DAB1: variants seen among roughly 807,000 people sequenced by gnomAD.
DAB1 encodes disabled homolog 1.
DAB1 carries 15 observed loss-of-function variants against 64.6 expected under a neutral mutation model. The observed-to-expected ratio is 0.23, with a 90% CI of 0.16 to 0.36. The LOEUF is 0.36. Ranked by LOEUF, DAB1 falls within the 10% of genes least tolerant of loss-of-function variation. The pLI is 1.00. For synonymous variants in DAB1, 235 were observed against 251.9 expected, an observed-to-expected ratio of 0.93 and a Z score of 0.64; for missense variants, 596 against 706.7, an observed-to-expected ratio of 0.84 and a Z score of 1.78.
chr1:57,852,853 G>A (rs1653593021), intron 1 of DAB1, among the ~76,000 whole-genome samples: 1 of 152,084 alleles, frequency 6.6e-6, no homozygotes, highest in African/African-American at 2.4e-5. Context: ...TATGAGGGTA[G>A]AGAATACTGA....
intron 5 of DAB1, among the ~76,000 whole-genome samples, chr1:57,948,035 C>G (rs1432819275): frequency 6.6e-6 from 1 of 151,468 alleles, no homozygotes; most frequent in Non-Finnish European, 1.5e-5. Flanking sequence ...CTTATGCTAG[C>G]CCCTTGACCT....
At chr1:58,036,275 T>A (rs1488663319) in intron 5 of DAB1, among the ~76,000 whole-genome samples, 1 of 152,186 alleles carries the variant, frequency 6.6e-6, no homozygotes, top group Non-Finnish European at 1.5e-5. Flanking sequence ...TTACAGAAGA[T>A]GAAACTGAGG....
At chr1:57,553,936 T>C (rs1644957466) in intron 7 of DAB1, among the ~76,000 whole-genome samples, 1 of 151,624 alleles carries the variant, frequency 6.6e-6, no homozygotes, top group Non-Finnish European at 1.5e-5. Flanking sequence ...GAATCTCAGC[T>C]GAGAAAGGAA....
intron 5 of DAB1, among the ~76,000 whole-genome samples, chr1:57,968,518 GA>G (rs966873997): frequency 6.6e-6 from 1 of 152,096 alleles, no homozygotes; most frequent in African/African-American, 2.4e-5. Flanking sequence ...TTCCAGCCTG[GA>G]AAATTGGCAT....
intron 3 of DAB1, among the ~76,000 whole-genome samples, chr1:58,355,757 C>T (rs1343261805): frequency 6.6e-6 from 1 of 152,116 alleles, no homozygotes; most frequent in Admixed American, 6.6e-5. Context: ...GGCTATTTCC[C>T]TCTTTTCTTG....
chr1:58,132,554 T>G (rs3850535), intron 5 of DAB1, among the ~76,000 whole-genome samples: 30,449 of 152,140 alleles, frequency 0.2, 3,229 homozygotes, highest in East Asian at 0.36. Flanking sequence ...CAGGGATCTC[T>G]GAGGATCCGC....
At chr1:57,139,502 G>A (rs1402319611) in intron 3 of DAB1, among the ~76,000 whole-genome samples, 1 of 152,144 alleles carries the variant, frequency 6.6e-6, no homozygotes, top group African/African-American at 2.4e-5. Context: ...GGACTAAGAA[G>A]TGACCTCCTA....
At chr1:57,847,804 G>C (rs1428483389) in intron 1 of DAB1, among the ~76,000 whole-genome samples, 2 of 151,928 alleles carry the variant, frequency 1.3e-5, no homozygotes, top group Non-Finnish European at 2.9e-5. Flanking sequence ...GACAAAAATA[G>C]AATACTATTA....
At chr1:57,475,557 T>C (rs1374902076) in intron 7 of DAB1, among the ~76,000 whole-genome samples, 2 of 152,230 alleles carry the variant, frequency 1.3e-5, no homozygotes, top group Non-Finnish European at 2.9e-5. Context: ...CACTTGCCAC[T>C]TGCTGACGTC....
At chr1:57,824,348 G>T (rs539696153), downstream of DAB1, among the ~76,000 whole-genome samples, 13 of 152,220 alleles carry the variant, frequency 8.5e-5, no homozygotes, top group South Asian at 2.1e-4. Context: ...CCAGAGACTT[G>T]CCCAGCACAC....
intron 5 of DAB1, among the ~76,000 whole-genome samples, chr1:58,148,124 G>C (rs139375684): frequency 6.6e-6 from 1 of 152,206 alleles, no homozygotes; most frequent in East Asian, 1.9e-4. Context: ...AACATGGTAA[G>C]ACTTCTGATT....
chr1:58,060,089 C>G (rs1648397645), intron 5 of DAB1: 1 of 152,752 alleles, frequency 6.5e-6, no homozygotes, highest in African/African-American at 2.4e-5. Flanking sequence ...AAGGGGCAGT[C>G]TGGGGATGCC....
Position 57,486,958 on chromosome 1 carries a change from TAA to T in DAB1, n.625+162632_625+162633del, listed in dbSNP as rs566217948. ...CTATGTACCCACAAAAATTAAAAAT[TAA>T]AAAAAAAAAGAAAAAAAAACAACGA... On this transcript the variant is annotated intron_variant and non_coding_transcript_variant, in intron 7 of 20. Transcript: ENST00000485760. Among the ~76,000 whole-genome samples, 3 of 136,014 alleles carry T rather than the reference TAA, an allele frequency of 2.2e-5. No individual in the cohort carries two copies. In the South Asian group the frequency reaches 7.3e-4, roughly 33 times the overall value. 89.2% of individuals were successfully genotyped at this position (136,014 alleles called of 152,430 possible).
rs1000237424 is a variant in DAB1 at position 58,425,313 on chromosome 1, G to C, written n.257+80747C>G. Among the ~76,000 whole-genome samples the C allele has an allele frequency of 2.6e-5, 4 of 152,210 alleles. 1 individual carries two copies. The highest frequency in any genetic ancestry group is 5.9e-5 in the Non-Finnish European group (4 of 68,028). On this transcript the variant is annotated intron_variant and non_coding_transcript_variant, in intron 3 of 20. Coordinates refer to the DAB1 transcript ENST00000485760. ...CTGAGAGAATGGAGCCAACATGAAA[G>C]ACAAGCCATGTCCTGACAGTGCTCA...
At chr1:58,300,646 G>GAGAGAGGAAGGA (rs1662140791) in intron 4 of DAB1, among the ~76,000 whole-genome samples, 1 of 57,344 alleles carries the variant, frequency 1.7e-5, no homozygotes. Context: ...GAGAGAGAGA[G>GAGAGAGGAAGGA]AGGAAGGAAG....
intron 9 of DAB1, among the ~76,000 whole-genome samples, chr1:57,057,783 T>C (rs1649950847): frequency 5.0e-5 from 2 of 39,832 alleles, no homozygotes; most frequent in Non-Finnish European, 1.1e-4. Flanking sequence ...AATTTTTTTG[T>C]ATTTTTAGTA....
At chr1:57,914,552 C>T (rs954734826) in intron 5 of DAB1, among the ~76,000 whole-genome samples, 2 of 151,848 alleles carry the variant, frequency 1.3e-5, no homozygotes, top group Non-Finnish European at 2.9e-5. Flanking sequence ...GCACATGTAC[C>T]CTAATACTTA....
chr1:58,143,900 C>G (rs971519613), intron 5 of DAB1, among the ~76,000 whole-genome samples: 1 of 152,188 alleles, frequency 6.6e-6, no homozygotes, highest in Admixed American at 6.5e-5. Flanking sequence ...TTCACACAAC[C>G]AGATTTTAAC....
chr1:57,793,773 A>T (rs1029817096), intron 6 of DAB1, among the ~76,000 whole-genome samples: 3 of 152,188 alleles, frequency 2.0e-5, no homozygotes, highest in African/African-American at 7.2e-5. Flanking sequence ...GGTTGTTGTG[A>T]TGATTACATG....
Sources: allele counts gnomAD v4.1 joint callset (sites outside exome capture counted in the v4.1 genomes callset), GRCh38; gene constraint gnomAD v4.1.1; transcripts MANE v1.5; gene names NCBI Gene and HGNC (gene_info 2026-07-23, HGNC 2026-07-21).